Variants in AGBL4 observed in about 807,000 individuals in gnomAD.
The protein encoded by AGBL4 is cytosolic carboxypeptidase 6.
AGBL4 carries 58 observed loss-of-function variants against 66.4 expected under a neutral mutation model. The observed-to-expected ratio is 0.87, with a 90% CI of 0.71 to 1.09. The LOEUF (loss-of-function observed/expected upper bound fraction) is 1.09. Ranked by LOEUF, AGBL4 falls within the 50% of genes least tolerant of loss-of-function variation. AGBL4 has a pLI of 0.00. For synonymous variants in AGBL4, 234 were observed against 222.9 expected (o/e 1.05, Z -0.44); for missense variants, 579 against 631.0 (o/e 0.92, Z 0.88).
rs149994049 is a variant in AGBL4, at chr1:48,604,226, C to A, written c.952-13241G>T. Among the ~76,000 whole-genome samples the A allele has an allele frequency of 4.5e-4, 68 of 152,230 alleles. 1 individual carries two copies. In the East Asian group the frequency reaches 0.013, roughly 29 times the overall value. ...TCCAAACATGAGACCCACTACAAAG[C>A]AAGATTGACAGTTTGCAATATGGGA... is the stretch of plus-strand genomic sequence containing the variant. On this transcript the variant is annotated intron_variant, in intron 9 of 13. Transcript: ENST00000371839.
chr1:49,185,293 C>T (rs554615165), intron 4 of AGBL4, among the ~76,000 whole-genome samples: 107 of 152,166 alleles, frequency 7.0e-4, no homozygotes, highest in Non-Finnish European at 1.3e-3. Flanking sequence ...GGCAGAAATG[C>T]CTTGCCAGAG....
At chr1:49,237,769 C>G (rs1354373798) in intron 4 of AGBL4, among the ~76,000 whole-genome samples, 1 of 151,790 alleles carries the variant, frequency 6.6e-6, no homozygotes, top group East Asian at 1.9e-4. Flanking sequence ...AAAAAAAGGT[C>G]TACAGTATTT....
chr1:49,543,334 C>T (rs762780741), intron 3 of AGBL4, among the ~76,000 whole-genome samples: 1 of 152,144 alleles, frequency 6.6e-6, no homozygotes, highest in Non-Finnish European at 1.5e-5. Context: ...AGTCCCTGCT[C>T]TACTCCTTAT....
chr1:49,800,030 C>T (rs961303596), intron 2 of AGBL4, among the ~76,000 whole-genome samples: 8 of 152,128 alleles, frequency 5.3e-5, no homozygotes, highest in African/African-American at 1.9e-4. Context: ...GCTGTCACTT[C>T]CATAGTATCT....
intron 1 of AGBL4, among the ~76,000 whole-genome samples, chr1:49,973,601 T>A (rs11802747): frequency 6.7e-6 from 1 of 148,472 alleles, no homozygotes; most frequent in African/African-American, 2.4e-5. Context: ...CTATATATTG[T>A]TATATATGGA....
chr1:49,537,601 A>T (rs571777095), intron 3 of AGBL4, among the ~76,000 whole-genome samples: 1 of 152,222 alleles, frequency 6.6e-6, no homozygotes, highest in Non-Finnish European at 1.5e-5. Context: ...CCACAGTGAG[A>T]TAACATCTTA....
At chr1:49,979,787 C>G (rs1490507266) in intron 1 of AGBL4, among the ~76,000 whole-genome samples, 1 of 152,108 alleles carries the variant, frequency 6.6e-6, no homozygotes, top group Non-Finnish European at 1.5e-5. Flanking sequence ...AACACAGGAC[C>G]CATGTGGAAT....
At chr1:49,114,944 T>A (rs1645486135) in intron 4 of AGBL4, among the ~76,000 whole-genome samples, 1 of 152,192 alleles carries the variant, frequency 6.6e-6, no homozygotes, top group Admixed American at 6.5e-5. Flanking sequence ...TTTGAAATAT[T>A]GCAAGAATTA....
intron 3 of AGBL4, among the ~76,000 whole-genome samples, chr1:49,350,272 C>T (rs1346792886): frequency 6.8e-6 from 1 of 146,764 alleles, no homozygotes; most frequent in African/African-American, 2.5e-5. Flanking sequence ...GGCGGGATCT[C>T]GGCTCACTGC....
At chr1:49,807,643 T>C (rs574259375) in intron 2 of AGBL4, among the ~76,000 whole-genome samples, 3 of 152,272 alleles carry the variant, frequency 2.0e-5, no homozygotes, top group Middle Eastern at 3.4e-3. Context: ...GTAAACACTT[T>C]TGGGGTTACT....
rs1314435400 is a variant in AGBL4, at chr1:49,142,439, G to C, written c.378-96639C>G. ...GCCACTCACTAGCTGAGTGACTTTGGATAACTTATTACAAATCTTTGAGCC... is the reference window on the plus strand; with the variant it reads ...GCCACTCACTAGCTGAGTGACTTTGCATAACTTATTACAAATCTTTGAGCC... On this transcript the variant is annotated intron_variant, in intron 4 of 13. Coordinates refer to ENST00000371839, the MANE Select transcript of AGBL4 (RefSeq NM_032785.4). Among the ~76,000 whole-genome samples, 3 of 152,140 alleles carry C rather than the reference G, an allele frequency of 2.0e-5. No homozygotes were observed. The East Asian group carries it at 5.8e-4, about 29-fold the overall frequency.
At chr1:49,903,786 C>A (rs1405101376) in intron 1 of AGBL4, among the ~76,000 whole-genome samples, 1 of 152,052 alleles carries the variant, frequency 6.6e-6, no homozygotes. Flanking sequence ...AGGAACAAAG[C>A]TGCAAAGGTA....
At chr1:49,289,310 C>A (rs1644490263) in intron 3 of AGBL4, among the ~76,000 whole-genome samples, 1 of 152,078 alleles carries the variant, frequency 6.6e-6, no homozygotes, top group South Asian at 2.1e-4. Context: ...TGCTGGCATA[C>A]TATGCAGTAA....
chr1:48,745,338 TAAGTTG>T (rs905985032), intron 6 of AGBL4, among the ~76,000 whole-genome samples: 1 of 152,124 alleles, frequency 6.6e-6, no homozygotes. Flanking sequence ...TCAGGGCTGT[TAAGTTG>T]AAATCAGAAG....
chr1:49,235,925 T>A (rs1454557727), intron 4 of AGBL4, among the ~76,000 whole-genome samples: 2 of 152,200 alleles, frequency 1.3e-5, no homozygotes, highest in African/African-American at 4.8e-5. Flanking sequence ...AAGTCTATAT[T>A]ATCTCCACCA....
At chr1:49,285,845 C>G (rs529799119) in intron 3 of AGBL4, among the ~76,000 whole-genome samples, 13 of 152,278 alleles carry the variant, frequency 8.5e-5, no homozygotes, top group African/African-American at 3.1e-4. Context: ...AGAGGGAATC[C>G]TCCCTAACTC....
chr1:48,633,315 A>C (rs1645620354), intron 9 of AGBL4, among the ~76,000 whole-genome samples: 1 of 152,146 alleles, frequency 6.6e-6, no homozygotes. Context: ...GTCGCTCTTT[A>C]ATTCAGGAAA....
chr1:49,390,127 G>A (rs902657764), intron 3 of AGBL4, among the ~76,000 whole-genome samples: 2 of 152,168 alleles, frequency 1.3e-5, no homozygotes, highest in African/African-American at 2.4e-5. Flanking sequence ...AGATGGAAGT[G>A]GTCAAAGTCA....
intron 4 of AGBL4, among the ~76,000 whole-genome samples, chr1:49,177,186 G>A (rs115399522): frequency 3.9e-5 from 6 of 152,170 alleles, no homozygotes; most frequent in African/African-American, 1.2e-4. Flanking sequence ...ATCCTTAGTC[G>A]AGTCATTTTG....
Sources: gnomAD v4.1 joint callset for allele counts (sites outside exome capture counted in the v4.1 genomes callset) on GRCh38, gnomAD v4.1.1 for gene constraint, MANE v1.5 for transcripts, NCBI Gene and HGNC (gene_info 2026-07-23, HGNC 2026-07-21) for gene names.